AGTPBP1: variants seen among roughly 807,000 people sequenced by gnomAD.
The protein encoded by AGTPBP1 is ATP/GTP binding carboxypeptidase 1, also known as cytosolic carboxypeptidase 1.
A neutral mutation model predicts 143.9 loss-of-function variants in AGTPBP1; 70 were observed. The observed-to-expected ratio is 0.49, with a 90% CI of 0.40 to 0.59. The LOEUF (loss-of-function observed/expected upper bound fraction) is 0.59, where lower values mean the gene tolerates loss of function less well. Ranked by LOEUF, AGTPBP1 falls within the 20% of genes least tolerant of loss-of-function variation. The pLI, the probability that AGTPBP1 is intolerant of heterozygous loss-of-function variation, is 0.00. For missense variants in AGTPBP1, 1,229 were observed against 1,464.5 expected (o/e 0.84, Z 2.62); for synonymous variants, 463 against 500.2 (o/e 0.93, Z 0.99).
intron 2 of AGTPBP1, among the ~76,000 whole-genome samples, chr9:85,699,903 T>C (rs1186226721): frequency 3.9e-5 from 6 of 152,334 alleles, no homozygotes; most frequent in Admixed American, 2.6e-4. Context: ...AATAAATCCA[T>C]TACATAACAT....
intron 17 of AGTPBP1, among the ~76,000 whole-genome samples, chr9:85,615,416 T>G (rs1001140458): frequency 6.6e-6 from 1 of 152,114 alleles, no homozygotes; most frequent in African/African-American, 2.4e-5. Context: ...GAGAAAGACT[T>G]AAATCTTCAA....
rs182540346 is a variant in AGTPBP1 at position 85,720,262 on chromosome 9, T to G, written c.-33-7696A>C. On this transcript the variant is annotated intron_variant, in intron 1 of 25. Transcript: ENST00000357081. ...TACCAGCTCCTCTTTGTACCTCTGG[T>G]AGAATTTGGCTGTGAATCCGTCTGG... 8.6e-3 allele frequency among the ~76,000 whole-genome samples: 1,317 copies of G among 152,330 alleles called. 6 individuals carry two copies. The highest frequency in any genetic ancestry group is 0.013 in the Non-Finnish European group (888 of 68,032).
intron 1 of AGTPBP1, 59 bp from the exon 2 acceptor site, chr9:85,712,625 T>C (rs1439670489): frequency 3.7e-6 from 3 of 810,116 alleles, no homozygotes; most frequent in African/African-American, 3.5e-5. Context: ...ATATATTAGA[T>C]ATCACAGAAG....
intron 17 of AGTPBP1, among the ~76,000 whole-genome samples, chr9:85,609,924 C>G (rs760275687): frequency 6.6e-6 from 1 of 152,074 alleles, no homozygotes; most frequent in African/African-American, 2.4e-5. Context: ...ATGTATAACA[C>G]TAATTACAAA....
chr9:85,645,873 C>T (rs1200918379), intron 12 of AGTPBP1, among the ~76,000 whole-genome samples: 1 of 152,054 alleles, frequency 6.6e-6, no homozygotes, highest in African/African-American at 2.4e-5. Flanking sequence ...ATACTTTTTT[C>T]ACTTCCTTGT....
intron 2 of AGTPBP1, among the ~76,000 whole-genome samples, chr9:85,700,802 G>C (rs1182266935): frequency 2.0e-5 from 3 of 152,086 alleles, no homozygotes; most frequent in Non-Finnish European, 4.4e-5. Flanking sequence ...ACAACCTCTA[G>C]GTTAATAAAA....
chr9:85,745,526 C>A (rs1397604323), upstream of AGTPBP1, among the ~76,000 whole-genome samples: 3 of 152,164 alleles, frequency 2.0e-5, no homozygotes, highest in Admixed American at 2.0e-4. Flanking sequence ...AAATAGACCA[C>A]AGAACAGAAT....
At chr9:85,598,962 T>A (rs1254836190) in intron 17 of AGTPBP1, among the ~76,000 whole-genome samples, 2 of 152,094 alleles carry the variant, frequency 1.3e-5, no homozygotes, top group African/African-American at 2.4e-5. Flanking sequence ...CCTCAGGTCA[T>A]CCGCCCGCCT....
At chr9:85,719,719 G>A (rs1270563455) in intron 1 of AGTPBP1, among the ~76,000 whole-genome samples, 2 of 152,186 alleles carry the variant, frequency 1.3e-5, no homozygotes, top group African/African-American at 4.8e-5. Flanking sequence ...TGGTGAGAGA[G>A]GGCATCCTTG....
intron 4 of AGTPBP1, among the ~76,000 whole-genome samples, chr9:85,680,742 A>T (rs1835117369): frequency 6.6e-6 from 1 of 152,178 alleles, no homozygotes; most frequent in Non-Finnish European, 1.5e-5. Context: ...TTAACATTGC[A>T]ACTGAACAAA....
At chr9:85,675,178 G>C (rs542562799) in intron 6 of AGTPBP1, among the ~76,000 whole-genome samples, 82 of 152,168 alleles carry the variant, frequency 5.4e-4, no homozygotes, top group African/African-American at 1.9e-3. Flanking sequence ...TTACAGGCAT[G>C]AGACACCGTA....
the AGTPBP1 span, among the ~76,000 whole-genome samples, chr9:85,772,352 T>C: frequency 6.6e-6 from 1 of 152,172 alleles, no homozygotes; most frequent in Non-Finnish European, 1.5e-5. Context: ...TATTAATGAT[T>C]ATTTTTCTGG....
chr9:85,588,121 C>T lies in AGTPBP1; in HGVS notation c.2903+177G>A, dbSNP rs76008016. On this transcript the variant is annotated intron_variant, in intron 21 of 25. Transcript: ENST00000357081. ...AAATATAAAATCAATAATTTCATATCGCTAATAGTATCCAAAATGTATTTT... is the reference window on the plus strand; with the variant it reads ...AAATATAAAATCAATAATTTCATATTGCTAATAGTATCCAAAATGTATTTT... Among the ~76,000 whole-genome samples, 98 of 152,166 alleles carry T rather than the reference C, an allele frequency of 6.4e-4. 1 individual carries two copies. The East Asian group carries it at 0.016, about 25-fold the overall frequency.
chr9:85,576,059 T>C (rs62566888), intron 24 of AGTPBP1, among the ~76,000 whole-genome samples: 2,565 of 152,296 alleles, frequency 0.017, 31 homozygotes, highest in Middle Eastern at 0.054. Flanking sequence ...ATTTCAAATT[T>C]TGTCTACTAA....
At chr9:85,741,479 GCGCC>G in intron 1 of AGTPBP1, 1 of 985,362 alleles carries the variant, frequency 1.0e-6, no homozygotes, top group Non-Finnish European at 1.2e-6. Flanking sequence ...CCCAGAGACC[GCGCC>G]CGATACCCTC....
chr9:85,689,591 T>C (rs1587907382), intron 3 of AGTPBP1, among the ~76,000 whole-genome samples: 1 of 152,212 alleles, frequency 6.6e-6, no homozygotes, highest in East Asian at 1.9e-4. Context: ...AGCATTTTTA[T>C]TTCAGTTAAA....
chr9:85,779,176 TATATAG>T, the AGTPBP1 span, among the ~76,000 whole-genome samples: 22,112 of 133,242 alleles, frequency 0.17, 1,809 homozygotes, highest in Middle Eastern at 0.2. Context: ...TAATAGGAGA[TATATAG>T]ATATAGATAT....
At chr9:85,555,489 C>G (rs915235110) in intron 25 of AGTPBP1, among the ~76,000 whole-genome samples, 1 of 152,168 alleles carries the variant, frequency 6.6e-6, no homozygotes, top group African/African-American at 2.4e-5. Context: ...ATCCCAGTTA[C>G]TCAGGAGGCT....
chr9:85,630,464 T>C (rs1183023173), intron 14 of AGTPBP1, among the ~76,000 whole-genome samples: 10 of 43,270 alleles, frequency 2.3e-4, no homozygotes, highest in Admixed American at 1.6e-3. Flanking sequence ...AGTGGCACGA[T>C]TGATTGATTG....
Sources: allele counts gnomAD v4.1 joint callset (sites outside exome capture counted in the v4.1 genomes callset), GRCh38; gene constraint gnomAD v4.1.1; transcripts MANE v1.5; gene names NCBI Gene and HGNC (gene_info 2026-07-23, HGNC 2026-07-21).